Variants in ESYT2 observed in about 807,000 individuals in gnomAD.
The protein encoded by ESYT2 is extended synaptotagmin 2.
Under a neutral mutation model 107.2 loss-of-function variants are expected in ESYT2, and 54 were observed. The ratio of observed to expected loss-of-function variants is 0.50; its 90% CI spans 0.40 to 0.63. The LOEUF (loss-of-function observed/expected upper bound fraction) is 0.63, where lower values mean the gene tolerates loss of function less well. Ranked by LOEUF, ESYT2 falls within the 30% of genes least tolerant of loss-of-function variation. ESYT2 has a pLI of 0.00. For synonymous variants in ESYT2, 491 were observed against 434.1 expected, an observed-to-expected ratio of 1.13 and a Z score of -1.63; for missense variants, 1,020 against 1,094.5, an observed-to-expected ratio of 0.93 and a Z score of 0.96.
intron 1 of ESYT2, among the ~76,000 whole-genome samples, chr7:158,801,048 C>T (rs1383347839): frequency 6.6e-6 from 1 of 152,098 alleles, no homozygotes; most frequent in Non-Finnish European, 1.5e-5. Context: ...GACACGAGCA[C>T]GGGAGGAGGC....
intron 6 of ESYT2, among the ~76,000 whole-genome samples, chr7:158,782,284 GA>G (rs1275238619): frequency 5.0e-5 from 3 of 59,566 alleles, no homozygotes; most frequent in East Asian, 5.2e-4. Context: ...CAAAATGTGA[GA>G]AATGTGTGAA....
chr7:158,820,914 C>T (rs1840270174), intron 1 of ESYT2, among the ~76,000 whole-genome samples: 1 of 152,190 alleles, frequency 6.6e-6, no homozygotes, highest in Non-Finnish European at 1.5e-5. Flanking sequence ...TTGTCTTACA[C>T]ACATTTTGTG....
rs1353614509 is a variant in ESYT2, at chr7:158,764,697, T to C, written c.1081A>G (p.Lys361Glu). Residue 361 changes from lysine to glutamate, a missense_variant, in exon 9 of 23, where the codon AAG becomes GAG. Physicochemically the swap from Lys to Glu is moderately conservative, Grantham distance 56. Coordinates refer to ENST00000275418, the MANE Select transcript of ESYT2 (RefSeq NM_001367773.1). Reference sequence around the variant, plus strand: ...CCCACCTCATAGACTTCATTCCACTTTGGACTGAGGTTCTCCTTGATGACT... The same window carrying C: ...CCCACCTCATAGACTTCATTCCACTCTGGACTGAGGTTCTCCTTGATGACT... The part of the protein sequence containing the change: ...SRVIKENLSP[K>E]WNEVYEALVY... 1 of 1,613,954 alleles carries C rather than the reference T, an allele frequency of 6.2e-7. No individual in the cohort carries two copies. The highest frequency in any genetic ancestry group is 8.5e-7 in the Non-Finnish European group (1 of 1,179,978).
At chr7:158,777,041 T>A (rs1098898) in intron 6 of ESYT2, among the ~76,000 whole-genome samples, 98,885 of 150,876 alleles carry the variant, frequency 0.66, 34,600 homozygotes, top group Non-Finnish European at 0.78. Context: ...TTTTTTTTTT[T>A]AAGTAGAGAG....
chr7:158,822,470 G>C (rs1840312388), intron 1 of ESYT2, among the ~76,000 whole-genome samples: 1 of 152,084 alleles, frequency 6.6e-6, no homozygotes, highest in South Asian at 2.1e-4. Context: ...GTGTTTAAGG[G>C]ACTATTAGAG....
At chr7:158,817,114 C>T (rs1840167958) in intron 1 of ESYT2, among the ~76,000 whole-genome samples, 1 of 152,188 alleles carries the variant, frequency 6.6e-6, no homozygotes, top group Non-Finnish European at 1.5e-5. Flanking sequence ...ACTATCTGAA[C>T]AGCTCCTCCT....
intron 3 of ESYT2, among the ~76,000 whole-genome samples, chr7:158,795,414 A>T (rs1563025331): frequency 6.6e-6 from 1 of 152,382 alleles, no homozygotes; most frequent in East Asian, 1.9e-4. Flanking sequence ...AACCCAGCTG[A>T]GATGGAATTT....
chr7:158,808,613 T>C (rs1339217109), intron 1 of ESYT2, among the ~76,000 whole-genome samples: 1 of 152,146 alleles, frequency 6.6e-6, no homozygotes, highest in Non-Finnish European at 1.5e-5. Flanking sequence ...TTCATGCTAG[T>C]TTTGCTGTCA....
At chr7:158,737,012 C>T (rs931986940) in intron 20 of ESYT2, 36 bp downstream of exon 20, 3 of 1,608,742 alleles carry the variant, frequency 1.9e-6, no homozygotes, top group African/African-American at 1.3e-5. Context: ...TCACTTCAAC[C>T]GGGCAGTCTA....
chr7:158,775,254 G>C (rs185494226), intron 6 of ESYT2, among the ~76,000 whole-genome samples: 1 of 152,290 alleles, frequency 6.6e-6, no homozygotes, highest in African/African-American at 2.4e-5. Flanking sequence ...GCTGGTAGAG[G>C]GTTTTGCCTC....
At chr7:158,801,427 A>C (rs1322655146) in intron 1 of ESYT2, among the ~76,000 whole-genome samples, 1 of 152,246 alleles carries the variant, frequency 6.6e-6, no homozygotes, top group East Asian at 1.9e-4. Flanking sequence ...GAACAAAGCA[A>C]ATCTGTTACG....
chr7:158,748,230 GAAGA>G lies in ESYT2; in HGVS notation c.1604_1607del (p.Phe535SerfsTer26). 1.9e-6 allele frequency: 3 copies of G among 1,614,180 alleles called. No homozygotes were observed. The highest frequency in any genetic ancestry group is 1.7e-6 in the Non-Finnish European group (2 of 1,180,028). On this transcript the variant is annotated frameshift_variant, in exon 16 of 23. Transcript: ENST00000275418. ...GGTCCTGGCGCTTGGGATTGTGAAT[GAAGA>G]AAGTGAAGTTTTCCTCCCACACAGG...
chr7:158,792,738 T>C (rs977441711), intron 4 of ESYT2, among the ~76,000 whole-genome samples: 1 of 151,182 alleles, frequency 6.6e-6, no homozygotes, highest in Admixed American at 6.6e-5. Flanking sequence ...AAGCTTTCAG[T>C]TTTTAACCAC....
At chr7:158,812,853 C>T (rs962925841) in intron 1 of ESYT2, among the ~76,000 whole-genome samples, 3 of 152,196 alleles carry the variant, frequency 2.0e-5, no homozygotes, top group South Asian at 2.1e-4. Context: ...TTACATGCCT[C>T]CGTTTACAGG....
rs548335395 is a variant in ESYT2 at position 158,763,139 on chromosome 7, T to C, written c.1128A>G (p.Gln376=). The C allele has an allele frequency of 8.2e-5, 133 of 1,613,138 alleles. 1 individual carries two copies. In the South Asian group the frequency reaches 1.2e-3, roughly 14 times the overall value. ...CATCAAAGAGCTCAATCTCTAATTCTTGTCCAGGATGTTCATACACTAAAG... is the reference window on the plus strand; with the variant it reads ...CATCAAAGAGCTCAATCTCTAATTCCTGTCCAGGATGTTCATACACTAAAG... ...YEALVYEHPG[Q]ELEIELFDED... The change falls in exon 10 of 23, where the codon CAA becomes CAG. Residue 376 remains glutamine, a synonymous_variant. Transcript: ENST00000275418.
intron 1 of ESYT2, among the ~76,000 whole-genome samples, chr7:158,807,685 T>C (rs1839871765): frequency 1.3e-5 from 2 of 152,318 alleles, no homozygotes; most frequent in East Asian, 3.9e-4. Flanking sequence ...ACAGGAAATA[T>C]CTGGGGCACT....
intron 6 of ESYT2, among the ~76,000 whole-genome samples, chr7:158,781,419 G>A (rs1265305720): frequency 1.4e-5 from 1 of 71,694 alleles, no homozygotes; most frequent in Non-Finnish European, 4.0e-5. Flanking sequence ...GTGAGTGTAA[G>A]AACGAGTGAG....
intron 10 of ESYT2, among the ~76,000 whole-genome samples, chr7:158,762,635 C>T (rs1024775317): frequency 1.3e-5 from 2 of 152,098 alleles, no homozygotes; most frequent in Admixed American, 1.3e-4. Flanking sequence ...AGTGAACAAA[C>T]CAGTATTTAT....
At chr7:158,736,118 G>A (rs1043125657) in intron 20 of ESYT2, among the ~76,000 whole-genome samples, 8 of 152,192 alleles carry the variant, frequency 5.3e-5, no homozygotes, top group Non-Finnish European at 1.0e-4. Context: ...CCTGCAGGGC[G>A]TCTCTCCTCC....
Sources: gnomAD v4.1 joint callset for allele counts (sites outside exome capture counted in the v4.1 genomes callset) on GRCh38, gnomAD v4.1.1 for gene constraint, MANE v1.5 for transcripts, NCBI Gene and HGNC (gene_info 2026-07-23, HGNC 2026-07-21) for gene names.